The following PLEKHD1 variants were observed in gnomAD, a reference collection of about 807,000 sequenced individuals.
PLEKHD1 encodes pleckstrin homology domain-containing family D member 1.
In PLEKHD1, 51 loss-of-function variants were observed where a neutral mutation model predicts 69.2. The observed-to-expected ratio is 0.74, with a 90% CI of 0.59 to 0.93. The LOEUF is 0.93. PLEKHD1 is among the 40% of genes least tolerant of loss of function. The probability of loss-of-function intolerance (pLI) is 0.00; values close to 1 mark genes in which losing one functional copy is unlikely to be tolerated. For synonymous variants in PLEKHD1, 236 were observed against 244.7 expected, an observed-to-expected ratio of 0.96 and a Z score of 0.33; for missense variants, 584 against 641.0, an observed-to-expected ratio of 0.91 and a Z score of 0.96.
intron 1 of PLEKHD1, among the ~76,000 whole-genome samples, chr14:69,499,231 A>G (rs1390849864): frequency 3.9e-5 from 2 of 51,590 alleles, no homozygotes; most frequent in East Asian, 8.5e-4. Context: ...ACGTGCACAC[A>G]CACACACACA....
At chr14:69,491,922 C>A (rs541233222) in intron 1 of PLEKHD1, among the ~76,000 whole-genome samples, 1 of 152,288 alleles carries the variant, frequency 6.6e-6, no homozygotes, top group African/African-American at 2.4e-5. Flanking sequence ...TTTCGATGAG[C>A]CTTGCTGATT....
In PLEKHD1 at chr14:69,500,631, C is replaced by A. The variant is rs1020423281; in HGVS notation, c.298C>A (p.Pro100Thr). 4 of 1,551,458 alleles carry A rather than the reference C, an allele frequency of 2.6e-6. No homozygotes were observed. The Admixed American group carries it at 5.9e-5, about 23-fold the overall frequency. The stretch of plus-strand genomic sequence containing the variant: ...GGAGCCCAAGGAAGAGCCTAGCATG[C>A]CCTATGCCATGAAGATCTCCCACCA... ...LVEPKEEPSM[P>T]YAMKISHQDF... Residue 100 changes from proline to threonine, a missense_variant, in exon 3 of 13, where the codon CCC becomes ACC. Pro to Thr is a conservative substitution (Grantham distance 38). Coordinates refer to ENST00000322564, the MANE Select transcript of PLEKHD1 (RefSeq NM_001161498.2).
At chr14:69,470,981 C>T in the PLEKHD1 span, among the ~76,000 whole-genome samples, 2 of 146,236 alleles carry the variant, frequency 1.4e-5, no homozygotes, top group African/African-American at 5.0e-5. Context: ...TTAGTAGAGG[C>T]GGGGTTTCAC....
chr14:69,489,897 CCTT>C (rs1449777510), intron 1 of PLEKHD1, among the ~76,000 whole-genome samples: 5 of 152,132 alleles, frequency 3.3e-5, no homozygotes, highest in Non-Finnish European at 7.3e-5. Context: ...GAGAGAGTCT[CCTT>C]CTGTCACCAA....
chr14:69,509,387 C>T (rs1484485175), intron 6 of PLEKHD1, among the ~76,000 whole-genome samples: 1 of 152,174 alleles, frequency 6.6e-6, no homozygotes, highest in Non-Finnish European at 1.5e-5. Context: ...TTACTTCCTT[C>T]AAAGATCATG....
chr14:69,487,645 C>T (rs1882684546), intron 1 of PLEKHD1, among the ~76,000 whole-genome samples: 1 of 152,196 alleles, frequency 6.6e-6, no homozygotes, highest in Non-Finnish European at 1.5e-5. Flanking sequence ...GGGAAGGTGC[C>T]CTTGAGCTGA....
the PLEKHD1 span, among the ~76,000 whole-genome samples, chr14:69,477,074 C>G: frequency 6.6e-6 from 1 of 152,164 alleles, no homozygotes; most frequent in East Asian, 1.9e-4. Flanking sequence ...TGCAGTGGCA[C>G]AGTCTCAGCT....
At chr14:69,484,134 G>A (rs1169040572), upstream of PLEKHD1, among the ~76,000 whole-genome samples, 1 of 152,332 alleles carries the variant, frequency 6.6e-6, no homozygotes, top group African/African-American at 2.4e-5. Flanking sequence ...ACCTGAGGGG[G>A]AAGGGTTGGG....
chr14:69,496,459 T>G (rs747872134), intron 1 of PLEKHD1, among the ~76,000 whole-genome samples: 2 of 152,148 alleles, frequency 1.3e-5, no homozygotes, highest in Non-Finnish European at 2.9e-5. Flanking sequence ...GTTCCTGGCT[T>G]GCAGATGGCC....
Position 69,500,578 on chromosome 14 carries a change from G to C in PLEKHD1, c.245G>C (p.Gly82Ala). 4 of 1,548,346 alleles carry C rather than the reference G, an allele frequency of 2.6e-6. No homozygotes were observed. Among genetic ancestry groups the C allele is most frequent in the Non-Finnish European group, 3.5e-6 (4 of 1,145,398 alleles). ...CTGCCTGTTCTGGTTCTTCCTCAGGGCGTCATCCCTCTGGGGGGCTGCCTG... is the reference window on the plus strand; with the variant it reads ...CTGCCTGTTCTGGTTCTTCCTCAGGCCGTCATCCCTCTGGGGGGCTGCCTG... Reference protein sequence around the residue: ...TNKYFNIHPKGVIPLGGCLVE... With the variant: ...TNKYFNIHPKAVIPLGGCLVE... The change falls in exon 3 of 13, where the codon GGC becomes GCC. Residue 82 changes from glycine to alanine, a missense_variant and splice_region_variant. Gly to Ala is a moderately conservative substitution (Grantham distance 60). Coordinates refer to ENST00000322564, the MANE Select transcript of PLEKHD1 (RefSeq NM_001161498.2).
intron 6 of PLEKHD1, among the ~76,000 whole-genome samples, chr14:69,517,369 C>T (rs1347996029): frequency 6.6e-6 from 1 of 151,924 alleles, no homozygotes. Context: ...AGATGTGAAG[C>T]CAACAGTTGG....
At chr14:69,498,568 C>T (rs1181626622) in intron 1 of PLEKHD1, among the ~76,000 whole-genome samples, 3 of 145,222 alleles carry the variant, frequency 2.1e-5, no homozygotes, top group Non-Finnish European at 3.1e-5. Flanking sequence ...GTCATGCTCA[C>T]CAGCAAGGTT....
At chr14:69,492,905 G>A (rs553316533) in intron 1 of PLEKHD1, among the ~76,000 whole-genome samples, 1 of 152,172 alleles carries the variant, frequency 6.6e-6, no homozygotes, top group East Asian at 1.9e-4. Context: ...AAGTAGCTAG[G>A]ACCACAGGCA....
the PLEKHD1 span, among the ~76,000 whole-genome samples, chr14:69,471,266 C>T: frequency 1.3e-5 from 2 of 151,680 alleles, no homozygotes; most frequent in South Asian, 2.1e-4. Flanking sequence ...CCACCACTCC[C>T]GACTGATTTT....
At chr14:69,524,439 G>A (rs1377206985) in intron 8 of PLEKHD1, 117 bp downstream of exon 8, 8 of 861,718 alleles carry the variant, frequency 9.3e-6, no homozygotes, top group African/African-American at 8.3e-5. Flanking sequence ...AAATGGGCAT[G>A]GAGGGGTGCT....
At chr14:69,528,105 A>G in intron 12 of PLEKHD1, 145 bp from the exon 13 acceptor site, 1 of 1,403,416 alleles carries the variant, frequency 7.1e-7, no homozygotes, top group Non-Finnish European at 9.6e-7. Flanking sequence ...TTCTCAAAGG[A>G]TATGGAAGCC....
At chr14:69,490,306 A>G (rs1278250929) in intron 1 of PLEKHD1, among the ~76,000 whole-genome samples, 1 of 152,192 alleles carries the variant, frequency 6.6e-6, no homozygotes, top group Non-Finnish European at 1.5e-5. Flanking sequence ...TGCAACCTAG[A>G]TCCCTTGCCA....
At position 69,502,811 on chromosome 14, in the gene PLEKHD1, G is replaced by C. The variant is rs929769447; in HGVS notation, c.503-16G>C. ...TGATTGTGTGTGCATGTGTGTGTGT[G>C]TGCTTGTTTTGGCAGACAAACTGAT... On this transcript the variant is annotated splice_polypyrimidine_tract_variant and intron_variant, in intron 5 of 12. Transcript: ENST00000322564. 2.1e-5 allele frequency: 33 copies of C among 1,551,428 alleles called. No individual in the cohort carries two copies. The highest frequency in any genetic ancestry group is 2.9e-5 in the Non-Finnish European group (33 of 1,146,952).
At chr14:69,505,502 T>G (rs1004470741) in intron 6 of PLEKHD1, among the ~76,000 whole-genome samples, 1 of 152,174 alleles carries the variant, frequency 6.6e-6, no homozygotes, top group Non-Finnish European at 1.5e-5. Context: ...TGAGACAACA[T>G]GGCCTAAAGA....
Sources: allele counts gnomAD v4.1 joint callset (sites outside exome capture counted in the v4.1 genomes callset), GRCh38; gene constraint gnomAD v4.1.1; transcripts MANE v1.5; gene names NCBI Gene and HGNC (gene_info 2026-07-23, HGNC 2026-07-21).